The following SLC35A3 variants were observed in gnomAD, a reference collection of about 807,000 sequenced individuals.
SLC35A3 encodes solute carrier family 35 member A3, also known as UDP-N-acetylglucosamine transporter.
Under a neutral mutation model 39.0 loss-of-function variants are expected in SLC35A3, and 26 were observed. The observed-to-expected ratio is 0.67, with a 90% confidence interval of 0.49 to 0.92. The LOEUF is 0.92. SLC35A3 is among the 40% of genes least tolerant of loss of function. The probability of loss-of-function intolerance (pLI) is 0.00; values close to 1 mark genes in which losing one functional copy is unlikely to be tolerated. For missense variants in SLC35A3, 299 were observed against 371.6 expected (o/e 0.80, Z 1.61); for synonymous variants, 135 against 133.1 (o/e 1.01, Z -0.10).
intron 2 of SLC35A3, among the ~76,000 whole-genome samples, chr1:99,997,408 TTTTATATATATATA>T (rs1177356976): frequency 4.8e-4 from 27 of 55,722 alleles, no homozygotes; most frequent in African/African-American, 1.5e-3. Context: ...TTATATATAG[TTTTATATATATATA>T]TATATATATA....
chr1:99,983,493 C>T (rs1197589856), intron 1 of SLC35A3, among the ~76,000 whole-genome samples: 2 of 150,962 alleles, frequency 1.3e-5, no homozygotes, highest in East Asian at 2.0e-4. Context: ...GAGCCGAGAT[C>T]GCGCCACTGC....
rs960067443 is a variant in SLC35A3 at position 100,025,704 on chromosome 1, G to A, written c.*3228G>A. 6.6e-6 allele frequency: 1 copy of A among 152,124 alleles called. No individual in the cohort carries two copies. Among genetic ancestry groups the A allele is most frequent in the Non-Finnish European group, 1.5e-5 (1 of 67,980 alleles). 9.4% of individuals were successfully genotyped at this position (152,124 alleles called of 1,614,324 possible). A position where few individuals can be genotyped will look rare whatever the true frequency, so the allele number is the denominator to read the frequency against. On this transcript the variant is annotated 3_prime_UTR_variant, in exon 8 of 8. Coordinates refer to ENST00000533028, the MANE Select transcript of SLC35A3 (RefSeq NM_012243.3). ...CCATTTCCTTGTGTGTGTGATGTGT[G>A]TTTTGATGACCTCCACAGGCCTTAC...
chr1:100,009,787 G>A lies in SLC35A3; in HGVS notation c.466-1578G>A, dbSNP rs559850010. ...AGATTAAGAAACTTAAGTTTGAATG[G>A]TGGCATTTTTAATAGATATAAAGGT... On this transcript the variant is annotated intron_variant, in intron 4 of 7. Transcript: ENST00000533028. Among the ~76,000 whole-genome samples, 5 of 152,290 alleles carry A rather than the reference G, an allele frequency of 3.3e-5. No homozygotes were observed. The South Asian group carries it at 1.0e-3, about 32-fold the overall frequency.
intron 1 of SLC35A3, among the ~76,000 whole-genome samples, chr1:99,978,578 G>T (rs1657259479): frequency 6.6e-6 from 1 of 152,120 alleles, no homozygotes; most frequent in Admixed American, 6.5e-5. Flanking sequence ...AAAACAAATT[G>T]ATGTTTTCTA....
chr1:99,991,873 C>T lies in SLC35A3; in HGVS notation c.-18-1664C>T, dbSNP rs528168627. ...AAGCTATTCTCCTGCCTCAGCCTCA[C>T]GAGCAGATGGGACTACAGGTGCGTG... On this transcript the variant is annotated intron_variant, in intron 1 of 7. Coordinates refer to ENST00000533028, the MANE Select transcript of SLC35A3 (RefSeq NM_012243.3). Among the ~76,000 whole-genome samples the T allele has an allele frequency of 7.2e-5, 11 of 152,234 alleles. No homozygotes were observed. In the East Asian group the frequency reaches 1.2e-3, roughly 16 times the overall value.
At chr1:99,972,858 C>T (rs917832567) in intron 1 of SLC35A3, among the ~76,000 whole-genome samples, 2 of 152,102 alleles carry the variant, frequency 1.3e-5, no homozygotes, top group African/African-American at 4.8e-5. Context: ...AGTAATAAAT[C>T]GTTGGTGTAG....
In SLC35A3 at chr1:99,970,057, G is replaced by A. The variant is rs942119350; in HGVS notation, c.-124G>A. On this transcript the variant is annotated 5_prime_UTR_variant, in exon 1 of 8. Transcript: ENST00000533028. ...CGGCGACGGGAGCCGGCGGCGCTGC[G>A]GGTCAGCGGTCGCGTAGGACCCAGC... 1 of 152,896 alleles carries A rather than the reference G, an allele frequency of 6.5e-6. No individual in the cohort carries two copies. Among genetic ancestry groups the A allele is most frequent in the Non-Finnish European group, 1.5e-5 (1 of 68,540 alleles). 9.5% of individuals were successfully genotyped at this position (152,896 alleles called of 1,614,324 possible). A position where few individuals can be genotyped will look rare whatever the true frequency, so the allele number is the denominator to read the frequency against.
chr1:99,972,226 G>A (rs1009407223), intron 1 of SLC35A3, among the ~76,000 whole-genome samples: 4 of 151,654 alleles, frequency 2.6e-5, no homozygotes, highest in Admixed American at 1.3e-4. Context: ...ATGTGTGCTG[G>A]GCTTTATAAA....
At position 99,995,806 on chromosome 1, in the gene SLC35A3, G is replaced by A. The variant is rs184596422; in HGVS notation, c.187+2065G>A. On this transcript the variant is annotated intron_variant, in intron 2 of 7. Transcript: ENST00000533028. ...TATACTAGAAGAGGAGAAGGCCAAAGGCTGAACTCTGTTGCATTCCCAATA... is the reference window on the plus strand; with the variant it reads ...TATACTAGAAGAGGAGAAGGCCAAAAGCTGAACTCTGTTGCATTCCCAATA... Among the ~76,000 whole-genome samples the A allele has an allele frequency of 2.4e-3, 358 of 152,240 alleles. 2 individuals are homozygous for A. The highest frequency in any genetic ancestry group is 4.0e-3 in the Non-Finnish European group (274 of 68,014).
chr1:100,014,057 G>A (rs1384212426), intron 5 of SLC35A3, among the ~76,000 whole-genome samples: 1 of 152,090 alleles, frequency 6.6e-6, no homozygotes, highest in African/African-American at 2.4e-5. Flanking sequence ...TGTTTTTGAG[G>A]TGAGATTCAA....
chr1:100,011,587 T>G, intron 5 of SLC35A3, 54 bp downstream of exon 5: 1 of 666,748 alleles, frequency 1.5e-6, no homozygotes, highest in Non-Finnish European at 2.2e-6. Context: ...ATTGTTATAT[T>G]TAAAGATTTC....
At chr1:100,003,098 T>C (rs1222419436) in intron 3 of SLC35A3, among the ~76,000 whole-genome samples, 2 of 152,088 alleles carry the variant, frequency 1.3e-5, no homozygotes, top group African/African-American at 4.8e-5. Flanking sequence ...TGGTATGTTG[T>C]GTTTCAATTT....
In SLC35A3 at chr1:100,029,109, G is replaced by C. The variant is rs1423995590; in HGVS notation, c.*6633G>C. ...GAGAGAGGCTCTATTAGTTGGCATG[G>C]TTGGTTGATTTTTTTGCCCATGTAG... On this transcript the variant is annotated 3_prime_UTR_variant, in exon 8 of 8. Transcript: ENST00000533028. 6.6e-6 allele frequency: 1 copy of C among 152,210 alleles called. No homozygotes were observed. The highest frequency in any genetic ancestry group is 1.5e-5 in the Non-Finnish European group (1 of 68,078). The allele number at this position is 152,210 out of a possible 1,614,324, so 9.4% of individuals were successfully genotyped here.
At position 100,031,143 on chromosome 1, in the gene SLC35A3, A is replaced by G. The variant is rs151267760; in HGVS notation, c.*8667A>G. 6.9e-4 allele frequency: 105 copies of G among 152,224 alleles called. No homozygotes were observed. Among genetic ancestry groups the G allele is most frequent in the African/African-American group, 2.4e-3 (100 of 41,524 alleles). The allele number at this position is 152,224 out of a possible 1,614,324, so 9.4% of individuals were successfully genotyped here. A position where few individuals can be genotyped will look rare whatever the true frequency, so the allele number is the denominator to read the frequency against. On this transcript the variant is annotated 3_prime_UTR_variant, in exon 8 of 8. Transcript: ENST00000533028. The stretch of plus-strand genomic sequence containing the variant: ...CCATTTTAATGGCTTCAATCATGCT[A>G]TGACAGATTGTGCCAATTTAGCTTT...
intron 7 of SLC35A3, among the ~76,000 whole-genome samples, chr1:100,019,675 G>A (rs566488704): frequency 3.9e-4 from 60 of 151,902 alleles, no homozygotes; most frequent in Non-Finnish European, 6.6e-4. Flanking sequence ...GAAATGGTAC[G>A]CCTATACTTG....
intron 6 of SLC35A3, among the ~76,000 whole-genome samples, chr1:100,016,353 C>T (rs1375496036): frequency 1.1e-4 from 17 of 149,166 alleles, no homozygotes; most frequent in Non-Finnish European, 2.4e-4. Context: ...TGTGAGCCAC[C>T]GCGCCCGGCC....
chr1:99,984,927 G>A (rs2101076163), intron 1 of SLC35A3, among the ~76,000 whole-genome samples: 1 of 152,038 alleles, frequency 6.6e-6, no homozygotes, highest in Non-Finnish European at 1.5e-5. Context: ...ATTTTGGATG[G>A]GATTCTTTGT....
At chr1:100,016,324 A>G (rs1409106516) in intron 6 of SLC35A3, among the ~76,000 whole-genome samples, 1 of 150,812 alleles carries the variant, frequency 6.6e-6, no homozygotes, top group African/African-American at 2.4e-5. Context: ...TTGACCTCCC[A>G]AAGTGCTGGG....
At position 100,000,884 on chromosome 1, in the gene SLC35A3, T is replaced by TA. The variant is rs1203388727; in HGVS notation, c.342+1470dup. 4 of 152,096 alleles carry TA rather than the reference T, an allele frequency of 2.6e-5. No individual in the cohort carries two copies. The South Asian group carries it at 6.2e-4, about 24-fold the overall frequency. The allele number at this position is 152,096 out of a possible 1,614,324, so 9.4% of individuals were successfully genotyped here. ...TTTAATCCATTTTGGGTTTTTTTTTTATATGGTGAGAGATGGGATCTAGTG... is the reference window on the plus strand; with the variant it reads ...TTTAATCCATTTTGGGTTTTTTTTTTAATATGGTGAGAGATGGGATCTAGTG... On this transcript the variant is annotated intron_variant, in intron 3 of 7. Transcript: ENST00000533028.
Sources: gnomAD v4.1 joint callset for allele counts (sites outside exome capture counted in the v4.1 genomes callset) on GRCh38, gnomAD v4.1.1 for gene constraint, MANE v1.5 for transcripts, NCBI Gene and HGNC (gene_info 2026-07-23, HGNC 2026-07-21) for gene names.